Variants in DOCK8 observed in about 807,000 individuals in gnomAD.
The protein encoded by DOCK8 is dedicator of cytokinesis protein 8.
A neutral mutation model predicts 245.6 loss-of-function variants in DOCK8; 141 were observed. The ratio of observed to expected loss-of-function variants is 0.57; its 90% CI spans 0.50 to 0.66. The LOEUF (loss-of-function observed/expected upper bound fraction) is 0.66. DOCK8 is among the 30% of genes least tolerant of loss of function. The pLI, the probability that DOCK8 is intolerant of heterozygous loss-of-function variation, is 0.00. For synonymous variants in DOCK8, 1,168 were observed against 970.2 expected (o/e 1.20, Z -3.79); for missense variants, 2,965 against 2,603.4 (o/e 1.14, Z -3.02).
intron 44 of DOCK8, 99 bp from the exon 45 acceptor site, chr9:449,685 C>A (rs1183587024): frequency 1.2e-5 from 18 of 1,485,948 alleles, no homozygotes; most frequent in Non-Finnish European, 1.7e-5. Context: ...TCCCTAGCTG[C>A]CTCTTCAAAT....
chr9:336,260 CTAAA>C lies in DOCK8; in HGVS notation c.1286-317_1286-314del, dbSNP rs543779242. On this transcript the variant is annotated intron_variant, in intron 11 of 47. Coordinates refer to ENST00000432829, the MANE Select transcript of DOCK8 (RefSeq NM_203447.4). The stretch of plus-strand genomic sequence containing the variant: ...AAAAGAAAAGCAAACACTGTGCTGA[CTAAA>C]TAAAGCTTATCAGGAGACCCTGTTC... Among the ~76,000 whole-genome samples the C allele has an allele frequency of 8.1e-4, 123 of 152,332 alleles. No individual in the cohort carries two copies. The Middle Eastern group carries it at 0.031, about 38-fold the overall frequency.
At chr9:417,480 C>G (rs1033909409) in intron 29 of DOCK8, among the ~76,000 whole-genome samples, 9 of 152,130 alleles carry the variant, frequency 5.9e-5, no homozygotes, top group African/African-American at 1.9e-4. Flanking sequence ...ACACTTTTCC[C>G]AGAACTGCTT....
At chr9:219,463 C>CT (rs1323433184) in intron 1 of DOCK8, among the ~76,000 whole-genome samples, 3 of 151,820 alleles carry the variant, frequency 2.0e-5, no homozygotes, top group African/African-American at 7.3e-5. Context: ...GAGTGACACT[C>CT]TGTTTCAAAA....
chr9:312,751 C>G, intron 6 of DOCK8: 1 of 324,530 alleles, frequency 3.1e-6, no homozygotes, highest in Non-Finnish European at 5.9e-6. Flanking sequence ...CCTGTGGTCA[C>G]TGCCTGAGGC....
chr9:395,744 C>T (rs2054421296), intron 24 of DOCK8, among the ~76,000 whole-genome samples: 1 of 152,100 alleles, frequency 6.6e-6, no homozygotes, highest in Admixed American at 6.5e-5. Context: ...TGTGAATCTC[C>T]TGGCCCCAAG....
chr9:394,395 A>G (rs1395239728), intron 24 of DOCK8, among the ~76,000 whole-genome samples: 3 of 152,238 alleles, frequency 2.0e-5, no homozygotes, highest in Non-Finnish European at 2.9e-5. Flanking sequence ...TGCCTGACCA[A>G]TGCCCAGGAA....
At chr9:346,543 G>T (rs1370403973) in intron 14 of DOCK8, among the ~76,000 whole-genome samples, 1 of 152,166 alleles carries the variant, frequency 6.6e-6, no homozygotes, top group South Asian at 2.1e-4. Context: ...TTCAGCCCCC[G>T]AGAGCCTCTG....
chr9:432,455 T>G, intron 37 of DOCK8, 131 bp downstream of exon 37: 1 of 896,390 alleles, frequency 1.1e-6, no homozygotes, highest in Non-Finnish European at 1.7e-6. Flanking sequence ...TTGTCCAATA[T>G]GCATGTGCTC....
chr9:317,190 G>A, intron 7 of DOCK8, 62 bp downstream of exon 7: 1 of 1,321,970 alleles, frequency 7.6e-7, no homozygotes, highest in Non-Finnish European at 1.1e-6. Flanking sequence ...ACATACAAAT[G>A]TTGTGTTTAT....
At chr9:270,239 T>A (rs556076282) in intron 1 of DOCK8, among the ~76,000 whole-genome samples, 1 of 152,360 alleles carries the variant, frequency 6.6e-6, no homozygotes, top group African/African-American at 2.4e-5. Flanking sequence ...CAGCTACAGC[T>A]TCCTCTGGGG....
rs769680856 is a variant in DOCK8 at position 399,223 on chromosome 9, C to A, written c.3198C>A (p.Gly1066=). Residue 1066 remains glycine, a synonymous_variant, in exon 26 of 48, where the codon GGC becomes GGA. Transcript: ENST00000432829. The part of the protein sequence containing the change: ...LYDLLSLMDR[G]FVFNLIRHYC... The stretch of plus-strand genomic sequence containing the variant: ...ACCTTCTCTCCCTCATGGATCGGGG[C>A]TTTGTGTTTAACCTCATCAGACATT... The A allele has an allele frequency of 2.5e-6, 4 of 1,613,924 alleles. No homozygotes were observed. In the South Asian group the frequency reaches 4.4e-5, roughly 18 times the overall value.
intron 1 of DOCK8, among the ~76,000 whole-genome samples, chr9:219,325 G>A (rs914117434): frequency 6.6e-6 from 1 of 152,038 alleles, no homozygotes; most frequent in Non-Finnish European, 1.5e-5. Context: ...ACAAAAATTA[G>A]CCAGGTGTAG....
chr9:274,547 C>G (rs10967351), intron 2 of DOCK8, among the ~76,000 whole-genome samples: 18 of 148,360 alleles, frequency 1.2e-4, no homozygotes, highest in Admixed American at 7.5e-4. Flanking sequence ...TAATGTTTAC[C>G]TGGTATCGTG....
chr9:360,237 T>A (rs10758289), intron 14 of DOCK8, among the ~76,000 whole-genome samples: 41,806 of 151,134 alleles, frequency 0.28, 6,113 homozygotes, highest in African/African-American at 0.35. Context: ...AATTGCTTGA[T>A]CTTGGGCAGT....
intron 1 of DOCK8, among the ~76,000 whole-genome samples, chr9:234,704 C>A (rs1051128122): frequency 1.3e-5 from 2 of 152,190 alleles, no homozygotes; most frequent in Non-Finnish European, 2.9e-5. Context: ...ACTGAGGCTT[C>A]TGCATTCATC....
At position 214,969 on chromosome 9, in the gene DOCK8, G is replaced by A. The variant is rs772174524; in HGVS notation, c.-8G>A. On this transcript the variant is annotated 5_prime_UTR_variant, in exon 1 of 48. Coordinates refer to ENST00000432829, the MANE Select transcript of DOCK8 (RefSeq NM_203447.4). The stretch of plus-strand genomic sequence containing the variant: ...CGACCCTAGAAGCCACCGAACCGCC[G>A]GCGGGCCATGGCCACTCTGCCGAGC... 12 of 1,601,592 alleles carry A rather than the reference G, an allele frequency of 7.5e-6. No individual in the cohort carries two copies. The highest frequency in any genetic ancestry group is 5.6e-5 in the South Asian group (5 of 89,722).
At chr9:310,724 G>A (rs1351541620) in intron 5 of DOCK8, among the ~76,000 whole-genome samples, 1 of 152,184 alleles carries the variant, frequency 6.6e-6, no homozygotes, top group African/African-American at 2.4e-5. Flanking sequence ...GCCTCCCAAA[G>A]TGCTGGGATT....
intron 2 of DOCK8, among the ~76,000 whole-genome samples, chr9:280,283 A>G (rs575987143): frequency 6.6e-6 from 1 of 152,234 alleles, no homozygotes; most frequent in Admixed American, 6.5e-5. Flanking sequence ...AGCCTTCACT[A>G]GAGAAGTATT....
chr9:429,155 C>T (rs1466084865), intron 35 of DOCK8, among the ~76,000 whole-genome samples: 1 of 152,094 alleles, frequency 6.6e-6, no homozygotes, highest in African/African-American at 2.4e-5. Context: ...TTAGTAGAGA[C>T]AGGGTTTCAC....
Sources: gnomAD v4.1 joint callset for allele counts (sites outside exome capture counted in the v4.1 genomes callset) on GRCh38, gnomAD v4.1.1 for gene constraint, MANE v1.5 for transcripts, NCBI Gene and HGNC (gene_info 2026-07-23, HGNC 2026-07-21) for gene names.